Variants in KPNA3 observed in about 807,000 individuals in gnomAD.
The protein encoded by KPNA3 is karyopherin subunit alpha 3.
In KPNA3, 13 loss-of-function variants were observed where a neutral mutation model predicts 73.8. The ratio of observed to expected loss-of-function variants is 0.18; its 90% confidence interval spans 0.11 to 0.28. KPNA3 has a LOEUF of 0.28. KPNA3 is among the 10% of genes least tolerant of loss of function. KPNA3 has a pLI of 1.00. For synonymous variants in KPNA3, 186 were observed against 206.9 expected, an observed-to-expected ratio of 0.90 and a Z score of 0.87; for missense variants, 360 against 618.1, an observed-to-expected ratio of 0.58 and a Z score of 4.43.
rs376795009 is a variant in KPNA3 at position 49,706,082 on chromosome 13, A to G, written c.1209+16T>C. On this transcript the variant is annotated intron_variant, in intron 14 of 16. Transcript: ENST00000261667. ...CAGTATTAACAATCATGACAGTTAC[A>G]GGTTTTCAAACTCACCTGATCTTTT... The G allele has an allele frequency of 3.7e-5, 60 of 1,607,090 alleles. No individual in the cohort carries two copies. Among genetic ancestry groups the G allele is most frequent in the Non-Finnish European group, 5.1e-5 (60 of 1,175,852 alleles).
At chr13:49,703,183 C>CTTTTT (rs35282756) in intron 15 of KPNA3, among the ~76,000 whole-genome samples, 11 of 109,206 alleles carry the variant, frequency 1.0e-4, no homozygotes, top group African/African-American at 1.4e-4. Flanking sequence ...TTCTTTCTTT[C>CTTTTT]TTTTTTTTTT....
intron 7 of KPNA3, among the ~76,000 whole-genome samples, chr13:49,723,219 T>C (rs1213168972): frequency 6.6e-6 from 1 of 152,160 alleles, no homozygotes; most frequent in East Asian, 1.9e-4. Context: ...ACATTTCATA[T>C]TTATACAGAG....
At chr13:49,788,099 G>T (rs1018512440) in intron 1 of KPNA3, among the ~76,000 whole-genome samples, 4 of 152,188 alleles carry the variant, frequency 2.6e-5, no homozygotes, top group African/African-American at 9.7e-5. Flanking sequence ...AGTAAATGGG[G>T]ATAATAATAG....
chr13:49,734,509 A>C (rs1455859021), intron 2 of KPNA3, among the ~76,000 whole-genome samples: 1 of 152,190 alleles, frequency 6.6e-6, no homozygotes, highest in Non-Finnish European at 1.5e-5. Flanking sequence ...TAAAAGAAAA[A>C]ATTATTTCAC....
chr13:49,719,690 A>C, intron 10 of KPNA3, 85 bp downstream of exon 10: 1 of 896,692 alleles, frequency 1.1e-6, no homozygotes, highest in South Asian at 1.4e-5. Context: ...TGACAAGTTG[A>C]TAAAATGTAT....
intron 10 of KPNA3, among the ~76,000 whole-genome samples, chr13:49,711,792 T>A (rs1471406427): frequency 6.6e-6 from 1 of 152,216 alleles, no homozygotes; most frequent in Non-Finnish European, 1.5e-5. Flanking sequence ...AGACATCACA[T>A]CTTTTTGCCC....
chr13:49,760,153 T>C (rs1341053234), intron 1 of KPNA3, among the ~76,000 whole-genome samples: 2 of 152,132 alleles, frequency 1.3e-5, no homozygotes, highest in Non-Finnish European at 1.5e-5. Context: ...CCGGGCACGG[T>C]GGCTCATGCC....
chr13:49,752,249 C>T (rs547273546), intron 1 of KPNA3, among the ~76,000 whole-genome samples: 37 of 152,124 alleles, frequency 2.4e-4, no homozygotes, highest in African/African-American at 8.9e-4. Context: ...AGAGCCAGAC[C>T]TCAGAAAATA....
intron 1 of KPNA3, among the ~76,000 whole-genome samples, chr13:49,778,100 A>C (rs561137485): frequency 6.6e-6 from 1 of 152,366 alleles, no homozygotes; most frequent in South Asian, 2.1e-4. Context: ...GAAACATAAT[A>C]CTGATAGATG....
intron 1 of KPNA3, among the ~76,000 whole-genome samples, chr13:49,764,801 G>A (rs1594456366): frequency 6.8e-6 from 1 of 148,142 alleles, no homozygotes; most frequent in Non-Finnish European, 1.5e-5. Flanking sequence ...CTTTTAACTA[G>A]TTCCTGTTCT....
chr13:49,785,832 G>T (rs1036461088), intron 1 of KPNA3, among the ~76,000 whole-genome samples: 1 of 152,138 alleles, frequency 6.6e-6, no homozygotes, highest in African/African-American at 2.4e-5. Flanking sequence ...AGGAAGAAGA[G>T]GGAAATGCAC....
intron 1 of KPNA3, among the ~76,000 whole-genome samples, chr13:49,774,154 C>T (rs1417619790): frequency 6.6e-6 from 1 of 152,128 alleles, no homozygotes; most frequent in East Asian, 1.9e-4. Context: ...ATCCCCCTGC[C>T]TCAGCCTCCC....
At chr13:49,743,340 T>A (rs1454989887) in intron 2 of KPNA3, among the ~76,000 whole-genome samples, 2 of 152,114 alleles carry the variant, frequency 1.3e-5, no homozygotes, top group Non-Finnish European at 1.5e-5. Flanking sequence ...AGTGGAAGAA[T>A]CTTCTCTTGA....
At chr13:49,787,173 C>T (rs2137609635) in intron 1 of KPNA3, among the ~76,000 whole-genome samples, 2 of 152,234 alleles carry the variant, frequency 1.3e-5, no homozygotes, top group East Asian at 1.9e-4. Flanking sequence ...ATATATTAGC[C>T]CTGGTATCAG....
chr13:49,732,855 T>C, intron 3 of KPNA3, 79 bp from the exon 4 acceptor site: 1 of 1,304,352 alleles, frequency 7.7e-7, no homozygotes, highest in South Asian at 1.3e-5. Context: ...TGAGTTAATA[T>C]ACTTTCATTA....
At chr13:49,704,426 AT>A (rs1954182746) in intron 15 of KPNA3, among the ~76,000 whole-genome samples, 165 of 100,200 alleles carry the variant, frequency 1.6e-3, no homozygotes, top group South Asian at 4.6e-3. Flanking sequence ...AAAAAAATAA[AT>A]AAATAAAAAA....
chr13:49,715,755 T>C (rs1954298619), intron 10 of KPNA3, among the ~76,000 whole-genome samples: 1 of 152,176 alleles, frequency 6.6e-6, no homozygotes, highest in Non-Finnish European at 1.5e-5. Flanking sequence ...AAATTACAAA[T>C]GCATTTACTC....
At chr13:49,756,126 T>C (rs1428637732) in intron 1 of KPNA3, among the ~76,000 whole-genome samples, 3 of 152,136 alleles carry the variant, frequency 2.0e-5, no homozygotes, top group Non-Finnish European at 4.4e-5. Flanking sequence ...AAAAAAAATT[T>C]AGCTGGGCAT....
intron 1 of KPNA3, among the ~76,000 whole-genome samples, chr13:49,788,547 C>T (rs1015135302): frequency 2.0e-5 from 3 of 151,826 alleles, no homozygotes; most frequent in Non-Finnish European, 1.5e-5. Flanking sequence ...GGCAAAACCC[C>T]GTCTCTACAA....
Sources: allele counts gnomAD v4.1 joint callset (sites outside exome capture counted in the v4.1 genomes callset), GRCh38; gene constraint gnomAD v4.1.1; transcripts MANE v1.5; gene names NCBI Gene and HGNC (gene_info 2026-07-23, HGNC 2026-07-21).